SLC44A5: variants seen among roughly 807,000 people sequenced by gnomAD.
SLC44A5 encodes the protein solute carrier family 44 member 5.
SLC44A5 carries 57 observed loss-of-function variants against 101.8 expected under a neutral mutation model. The observed-to-expected ratio is 0.56, with a 90% CI of 0.45 to 0.70. The LOEUF is 0.70. Ranked by LOEUF, SLC44A5 falls within the 30% of genes least tolerant of loss-of-function variation. SLC44A5 has a pLI of 0.00. For synonymous variants in SLC44A5, 281 were observed against 290.9 expected, an observed-to-expected ratio of 0.97 and a Z score of 0.35; for missense variants, 737 against 853.1, an observed-to-expected ratio of 0.86 and a Z score of 1.70.
intron 2 of SLC44A5, among the ~76,000 whole-genome samples, chr1:75,491,729 ACG>A (rs1553191078): frequency 1.3e-4 from 19 of 140,816 alleles, no homozygotes; most frequent in East Asian, 1.2e-3. Flanking sequence ...GCACGCACGC[ACG>A]CACACACACA....
intron 1 of SLC44A5, among the ~76,000 whole-genome samples, chr1:75,609,374 T>C (rs1675518898): frequency 6.6e-6 from 1 of 152,034 alleles, no homozygotes; most frequent in African/African-American, 2.4e-5. Context: ...TTTTGATATA[T>C]ATACACATTG....
the SLC44A5 span, among the ~76,000 whole-genome samples, chr1:75,617,055 G>A: frequency 6.6e-6 from 1 of 152,144 alleles, no homozygotes; most frequent in African/African-American, 2.4e-5. Flanking sequence ...AGAACTGCAA[G>A]GGCAGGCGAA....
chr1:75,663,843 C>T, the SLC44A5 span, among the ~76,000 whole-genome samples: 2 of 152,096 alleles, frequency 1.3e-5, no homozygotes, highest in Non-Finnish European at 2.9e-5. Flanking sequence ...AAGTCTGGCA[C>T]AGACCCAATG....
upstream of SLC44A5, among the ~76,000 whole-genome samples, chr1:75,614,383 AC>A (rs1675778346): frequency 6.6e-6 from 1 of 152,246 alleles, no homozygotes; most frequent in African/African-American, 2.4e-5. Context: ...AAATTGTCAT[AC>A]ATAGGTTATA....
intron 1 of SLC44A5, among the ~76,000 whole-genome samples, chr1:75,577,191 C>T (rs187687729): frequency 7.9e-5 from 12 of 152,352 alleles, no homozygotes; most frequent in Non-Finnish European, 1.3e-4. Flanking sequence ...TGGGCTATTT[C>T]AACAGCATCC....
At chr1:75,350,082 G>GC (rs550075752) in intron 3 of SLC44A5, among the ~76,000 whole-genome samples, 34 of 151,532 alleles carry the variant, frequency 2.2e-4, no homozygotes, top group East Asian at 5.8e-4. Context: ...GTCCTACCGC[G>GC]CCCCCCCCAA....
chr1:75,268,514 T>G (rs1344153300), intron 6 of SLC44A5, among the ~76,000 whole-genome samples: 1 of 152,176 alleles, frequency 6.6e-6, no homozygotes, highest in Non-Finnish European at 1.5e-5. Flanking sequence ...GTTCATTTGT[T>G]TTTACTATAA....
At chr1:75,653,395 T>C in the SLC44A5 span, among the ~76,000 whole-genome samples, 1 of 152,012 alleles carries the variant, frequency 6.6e-6, no homozygotes, top group Non-Finnish European at 1.5e-5. Context: ...TGCAGGAGAA[T>C]CACTTGAATC....
rs540798237 is a variant in SLC44A5, at chr1:75,223,732, G to A, written c.986-1272C>T. 3.9e-5 allele frequency among the ~76,000 whole-genome samples: 6 copies of A among 152,208 alleles called. No homozygotes were observed. In the South Asian group the frequency reaches 6.2e-4, roughly 16 times the overall value. ...ACATCACACATCAGTTACTGTCTCC[G>A]AGTAAGCAGAAGTTCACCCAGAGGT... On this transcript the variant is annotated intron_variant, in intron 13 of 23. Transcript: ENST00000370859.
Position 75,606,322 on chromosome 1 carries a change from G to A in SLC44A5, c.-70+4718C>T, listed in dbSNP as rs577679201. On this transcript the variant is annotated intron_variant, in intron 1 of 23. Coordinates refer to ENST00000370859, the MANE Select transcript of SLC44A5 (RefSeq NM_001130058.2). ...TTTAAAGACGTAAAAGAAGATAAAA[G>A]AGAAACATCCTTAGAACTAGGCAAC... 3.3e-5 allele frequency among the ~76,000 whole-genome samples: 5 copies of A among 152,000 alleles called. No homozygotes were observed. The South Asian group carries it at 1.0e-3, about 31-fold the overall frequency.
chr1:75,217,371 GTTCCTT>G (rs926297019), intron 18 of SLC44A5, among the ~76,000 whole-genome samples: 8 of 151,820 alleles, frequency 5.3e-5, no homozygotes, highest in Non-Finnish European at 1.0e-4. Flanking sequence ...CAGCTTTTTT[GTTCCTT>G]TTCAAGTCTT....
chr1:75,597,886 A>G (rs537635022), intron 1 of SLC44A5, among the ~76,000 whole-genome samples: 2 of 152,322 alleles, frequency 1.3e-5, no homozygotes, highest in South Asian at 2.1e-4. Context: ...ACGGGCAAAG[A>G]TTTCATGATG....
rs552924236 is a variant in SLC44A5 at position 75,562,904 on chromosome 1, C to G, written c.-69-21388G>C. Reference sequence around the variant, plus strand: ...TCAATATGTGAAACAACTCAAGAAACAGTTCAAGGAAAAACACTGACATTT... The same window carrying G: ...TCAATATGTGAAACAACTCAAGAAAGAGTTCAAGGAAAAACACTGACATTT... On this transcript the variant is annotated intron_variant, in intron 1 of 23. Transcript: ENST00000370859. 3.4e-5 allele frequency among the ~76,000 whole-genome samples: 5 copies of G among 148,616 alleles called. No homozygotes were observed. In the East Asian group the frequency reaches 8.5e-4, roughly 25 times the overall value.
At chr1:75,222,956 A>G (rs1228385310) in intron 13 of SLC44A5, among the ~76,000 whole-genome samples, 1 of 152,154 alleles carries the variant, frequency 6.6e-6, no homozygotes, top group African/African-American at 2.4e-5. Flanking sequence ...CATTGATGGA[A>G]TCGGGGTGTA....
intron 5 of SLC44A5, 125 bp from the exon 6 acceptor site, chr1:75,275,167 A>G: frequency 1.6e-6 from 1 of 625,550 alleles, no homozygotes. Context: ...AAGATTATTG[A>G]TTTTCTTCAA....
chr1:75,688,653 C>A, the SLC44A5 span, among the ~76,000 whole-genome samples: 1 of 152,160 alleles, frequency 6.6e-6, no homozygotes, highest in African/African-American at 2.4e-5. Flanking sequence ...AACACCTGAG[C>A]AATGCTAGGG....
At chr1:75,643,570 C>T in the SLC44A5 span, among the ~76,000 whole-genome samples, 1 of 152,132 alleles carries the variant, frequency 6.6e-6, no homozygotes, top group Non-Finnish European at 1.5e-5. Context: ...TTATAGCTCC[C>T]ATAATCACCA....
At chr1:75,599,925 A>G (rs1674875533) in intron 1 of SLC44A5, among the ~76,000 whole-genome samples, 1 of 152,196 alleles carries the variant, frequency 6.6e-6, no homozygotes, top group Non-Finnish European at 1.5e-5. Context: ...TAGCCAATGA[A>G]AAGCCATTAT....
intron 1 of SLC44A5, among the ~76,000 whole-genome samples, chr1:75,556,827 T>C (rs577551974): frequency 6.6e-6 from 1 of 152,206 alleles, no homozygotes; most frequent in Non-Finnish European, 1.5e-5. Context: ...CTCATAGTTA[T>C]ATGATCGCTG....
Sources: allele counts gnomAD v4.1 joint callset (sites outside exome capture counted in the v4.1 genomes callset), GRCh38; gene constraint gnomAD v4.1.1; transcripts MANE v1.5; gene names NCBI Gene and HGNC (gene_info 2026-07-23, HGNC 2026-07-21).